The following IQCM variants were observed in gnomAD, a reference collection of about 807,000 sequenced individuals.
The protein encoded by IQCM is IQ motif containing M, also known as IQ domain-containing protein M.
IQCM carries 45 observed loss-of-function variants against 57.6 expected under a neutral mutation model. That is an observed-to-expected ratio of 0.78 (90% CI 0.62 to 1.00). IQCM has a LOEUF of 1.00. Ranked by LOEUF, IQCM falls within the 50% of genes least tolerant of loss-of-function variation. The pLI, the probability that IQCM is intolerant of heterozygous loss-of-function variation, is 0.00. For synonymous variants in IQCM, 148 were observed against 158.9 expected, an observed-to-expected ratio of 0.93 and a Z score of 0.51; for missense variants, 468 against 511.6, an observed-to-expected ratio of 0.91 and a Z score of 0.82.
At chr4:149,400,512 C>T (rs1732545500) in intron 13 of IQCM, among the ~76,000 whole-genome samples, 1 of 151,920 alleles carries the variant, frequency 6.6e-6, no homozygotes, top group African/African-American at 2.4e-5. Context: ...ACATTCCTAA[C>T]CAATATAAAT....
rs992713694 is a variant in IQCM at position 149,752,279 on chromosome 4, G to A, written c.-48-9540C>T. Among the ~76,000 whole-genome samples, 9 of 152,044 alleles carry A rather than the reference G, an allele frequency of 5.9e-5. 1 individual carries two copies. In the South Asian group the frequency reaches 1.5e-3, roughly 25 times the overall value. ...GATATCTGGCTGAAAGGCCAGGCAC[G>A]GGTGGCTCACGCCTGTAATCCCAGC... On this transcript the variant is annotated intron_variant, in intron 2 of 13. Transcript: ENST00000636793.
intron 13 of IQCM, among the ~76,000 whole-genome samples, chr4:149,362,909 T>G (rs1350301834): frequency 6.6e-6 from 1 of 152,226 alleles, no homozygotes; most frequent in African/African-American, 2.4e-5. Context: ...TTCAGTCTTG[T>G]TCCAATAAGA....
chr4:149,493,024 G>C (rs1203113882), intron 12 of IQCM, among the ~76,000 whole-genome samples: 2 of 152,032 alleles, frequency 1.3e-5, no homozygotes. Flanking sequence ...CTGAACATCA[G>C]GTGGTGGTGG....
In IQCM at chr4:149,466,965, G is replaced by A. The variant is rs948725102; in HGVS notation, c.1229-33408C>T. On this transcript the variant is annotated intron_variant, in intron 12 of 13. Coordinates refer to ENST00000636793, the MANE Select transcript of IQCM (RefSeq NM_001363507.2). ...GGGCACTAATCCCATTCATGAAGCC[G>A]GGGCCCTCATGACCTAATTACTTTC... 1.1e-4 allele frequency among the ~76,000 whole-genome samples: 17 copies of A among 152,170 alleles called. No homozygotes were observed. The South Asian group carries it at 1.2e-3, about 11-fold the overall frequency.
At chr4:149,540,903 A>G (rs1403996389) in intron 12 of IQCM, among the ~76,000 whole-genome samples, 1 of 152,132 alleles carries the variant, frequency 6.6e-6, no homozygotes, top group Admixed American at 6.6e-5. Context: ...TCAAATTTCA[A>G]TTTTAGAAGT....
chr4:149,744,811 G>T (rs1767774910), intron 2 of IQCM, among the ~76,000 whole-genome samples: 4 of 151,942 alleles, frequency 2.6e-5, no homozygotes, highest in Admixed American at 2.6e-4. Context: ...CTGTGCAAAG[G>T]ACTTGCCATT....
chr4:149,436,825 G>A (rs1735409568), intron 12 of IQCM, among the ~76,000 whole-genome samples: 1 of 151,960 alleles, frequency 6.6e-6, no homozygotes, highest in Non-Finnish European at 1.5e-5. Context: ...ACCTCACCAG[G>A]CCACATATGC....
chr4:149,443,663 AGAAAGGAAAGGAAAGGAAAGGAAAG>A (rs70965186), intron 12 of IQCM, among the ~76,000 whole-genome samples: 7,926 of 56,074 alleles, frequency 0.14, 563 homozygotes, highest in Non-Finnish European at 0.19. Context: ...CCAATGGTAA[AGAAAGGAAAGGAAAGGAAAGGAAAG>A]GAAAGGAAAG....
intron 7 of IQCM, among the ~76,000 whole-genome samples, chr4:149,680,958 A>C (rs1762131953): frequency 6.6e-6 from 1 of 151,366 alleles, no homozygotes; most frequent in South Asian, 2.1e-4. Context: ...AGAATTGCCA[A>C]GTCCTTCAAA....
At chr4:149,558,760 T>C (rs1279804604) in intron 10 of IQCM, among the ~76,000 whole-genome samples, 3 of 152,164 alleles carry the variant, frequency 2.0e-5, no homozygotes, top group Non-Finnish European at 2.9e-5. Context: ...GGTACTTTTA[T>C]AGATGAGAGG....
intron 13 of IQCM, among the ~76,000 whole-genome samples, chr4:149,410,049 C>A (rs766091632): frequency 3.4e-4 from 51 of 152,160 alleles, no homozygotes; most frequent in Non-Finnish European, 6.2e-4. Flanking sequence ...CCAGGCATGG[C>A]GGTGGGCAAC....
At chr4:149,478,040 A>C (rs1740387568) in intron 12 of IQCM, among the ~76,000 whole-genome samples, 2 of 152,300 alleles carry the variant, frequency 1.3e-5, no homozygotes, top group South Asian at 4.1e-4. Context: ...TACTTATCTC[A>C]TGGGGTTGTT....
chr4:149,356,378 G>A (rs1196432371), intron 13 of IQCM, among the ~76,000 whole-genome samples: 3 of 152,176 alleles, frequency 2.0e-5, no homozygotes, highest in East Asian at 1.9e-4. Flanking sequence ...ATGGTTTTAG[G>A]TCTAACATTT....
intron 7 of IQCM, among the ~76,000 whole-genome samples, chr4:149,642,486 C>T (rs1758280451): frequency 6.6e-6 from 1 of 151,980 alleles, no homozygotes; most frequent in Admixed American, 6.6e-5. Flanking sequence ...GCAAAGTAAC[C>T]AGGAATGACA....
chr4:149,527,995 T>A (rs899459002), intron 12 of IQCM, among the ~76,000 whole-genome samples: 3 of 151,530 alleles, frequency 2.0e-5, no homozygotes, highest in Non-Finnish European at 4.4e-5. Flanking sequence ...TTTGTTTTTT[T>A]TTTTTTTTGA....
chr4:149,813,544 A>T (rs1418002639), intron 2 of IQCM, among the ~76,000 whole-genome samples: 2 of 152,098 alleles, frequency 1.3e-5, no homozygotes, highest in Non-Finnish European at 2.9e-5. Context: ...AGCAACTAGC[A>T]GTACCAATTT....
chr4:149,777,319 C>T (rs552292316), intron 2 of IQCM, among the ~76,000 whole-genome samples: 1 of 152,192 alleles, frequency 6.6e-6, no homozygotes, highest in South Asian at 2.1e-4. Flanking sequence ...TCAATGCAGA[C>T]AAGGGAAAAA....
intron 12 of IQCM, among the ~76,000 whole-genome samples, chr4:149,481,870 C>T (rs745715172): frequency 2.0e-5 from 3 of 151,086 alleles, no homozygotes; most frequent in Non-Finnish European, 4.4e-5. Context: ...GTAGTATGGA[C>T]ATTTTAAAAA....
At chr4:149,484,974 G>A (rs1224829294) in intron 12 of IQCM, among the ~76,000 whole-genome samples, 2 of 151,822 alleles carry the variant, frequency 1.3e-5, no homozygotes, top group Non-Finnish European at 2.9e-5. Context: ...ACTAATCTAG[G>A]GTAAAAGTTT....
Sources: allele counts gnomAD v4.1 joint callset (sites outside exome capture counted in the v4.1 genomes callset), GRCh38; gene constraint gnomAD v4.1.1; transcripts MANE v1.5; gene names NCBI Gene and HGNC (gene_info 2026-07-23, HGNC 2026-07-21).